IL17RD: variants seen among roughly 807,000 people sequenced by gnomAD.
The protein encoded by IL17RD is interleukin 17 receptor D, also known as interleukin-17 receptor D.
IL17RD carries 52 observed loss-of-function variants against 80.5 expected under a neutral mutation model. The observed-to-expected ratio is 0.65, with a 90% CI of 0.52 to 0.81. The LOEUF (loss-of-function observed/expected upper bound fraction) is 0.81, where lower values mean the gene tolerates loss of function less well. Ranked by LOEUF, IL17RD falls within the 40% of genes least tolerant of loss-of-function variation. The pLI is 0.00. For synonymous variants in IL17RD, 416 were observed against 391.8 expected (o/e 1.06, Z -0.73); for missense variants, 1,024 against 955.1 (o/e 1.07, Z -0.95).
intron 1 of IL17RD, among the ~76,000 whole-genome samples, chr3:57,147,365 A>G (rs1004335778): frequency 3.9e-5 from 6 of 152,242 alleles, no homozygotes; most frequent in Non-Finnish European, 2.9e-5. Context: ...CAAGGTCTCA[A>G]TAAATGGTAG....
At chr3:57,164,988 A>T in intron 1 of IL17RD, 173 bp downstream of exon 1, 2 of 1,330,066 alleles carry the variant, frequency 1.5e-6, no homozygotes, top group Non-Finnish European at 1.9e-6. Flanking sequence ...GCCGGAGGAC[A>T]CGCGTCCGGG....
Position 57,096,461 on chromosome 3 carries a change from C to G in IL17RD, c.2152G>C (p.Gly718Arg), listed in dbSNP as rs759350430. The G allele has an allele frequency of 6.2e-7, 1 of 1,613,940 alleles. No individual in the cohort carries two copies. The highest frequency in any genetic ancestry group is 1.1e-5 in the South Asian group (1 of 91,086). ...CAACCAAGATCTGCTTTGCATGACC[C>G]AGAAGAGAGGAGCTTGGAAGGAAGG... ...PALPSKLLSS[G>R]SCKADLGCRS... Residue 718 changes from glycine (G) to arginine (R), a missense_variant, in exon 13 of 13, where the codon GGG (glycine) becomes CGG (arginine). By Grantham distance (125) the Gly-to-Arg change is moderately radical (BLOSUM62 -2). Coordinates refer to ENST00000296318, the MANE Select transcript of IL17RD (RefSeq NM_017563.5).
intron 11 of IL17RD, among the ~76,000 whole-genome samples, chr3:57,100,204 GTT>G: frequency 6.6e-6 from 1 of 152,224 alleles, no homozygotes; most frequent in South Asian, 2.1e-4. Flanking sequence ...CTAGAGTGTA[GTT>G]ATTTTTCAGC....
chr3:57,112,897 G>T (rs917227777), intron 3 of IL17RD, among the ~76,000 whole-genome samples: 16 of 152,222 alleles, frequency 1.1e-4, no homozygotes, highest in Non-Finnish European at 2.4e-4. Context: ...CTGAGAACCA[G>T]GTTCTGATCA....
intron 1 of IL17RD, 133 bp downstream of exon 1, chr3:57,165,028 G>A (rs1447332589): frequency 1.0e-5 from 14 of 1,351,744 alleles, no homozygotes; most frequent in African/African-American, 1.5e-5. Flanking sequence ...CGCGGGAGGA[G>A]TGAGACCCAG....
At chr3:57,164,797 T>A in intron 1 of IL17RD, 1 of 725,034 alleles carries the variant, frequency 1.4e-6, no homozygotes, top group Non-Finnish European at 1.8e-6. Context: ...GCTCGGGGGA[T>A]CCCAGCCCGG....
At chr3:57,132,847 A>G (rs1707641611) in intron 1 of IL17RD, among the ~76,000 whole-genome samples, 1 of 152,180 alleles carries the variant, frequency 6.6e-6, no homozygotes, top group South Asian at 2.1e-4. Flanking sequence ...GTGGAGGAAA[A>G]TACTCATAGT....
chr3:57,129,099 T>C (rs1261506056), intron 1 of IL17RD, among the ~76,000 whole-genome samples: 1 of 152,170 alleles, frequency 6.6e-6, no homozygotes, highest in Non-Finnish European at 1.5e-5. Flanking sequence ...GTTAGAGAAC[T>C]GGCATCTTTA....
At chr3:57,104,193 CT>C in intron 8 of IL17RD, 148 bp downstream of exon 8, 5 of 593,540 alleles carry the variant, frequency 8.4e-6, no homozygotes, top group Non-Finnish European at 1.5e-5. Context: ...TATATATAAA[CT>C]TTTTTTAAAA....
At chr3:57,112,323 G>C (rs575770510) in intron 3 of IL17RD, among the ~76,000 whole-genome samples, 17 of 152,340 alleles carry the variant, frequency 1.1e-4, no homozygotes, top group African/African-American at 4.1e-4. Context: ...CTTGCCCAGG[G>C]TCACACAGGA....
chr3:57,092,500 A>C lies in IL17RD; in HGVS notation c.*3893T>G, dbSNP rs1201067171. 6.6e-6 allele frequency: 1 copy of C among 152,106 alleles called. No homozygotes were observed. The highest frequency in any genetic ancestry group is 2.4e-5 in the African/African-American group (1 of 41,410). The allele number at this position is 152,106 out of a possible 1,614,324, so 9.4% of individuals were successfully genotyped here. On this transcript the variant is annotated 3_prime_UTR_variant, in exon 13 of 13. Transcript: ENST00000296318. ...GCTACTCAGGAGGCTGAGGCAGGAGAATGGCGTGAACCCGGGAGGTGGAGC... is the reference window on the plus strand; with the variant it reads ...GCTACTCAGGAGGCTGAGGCAGGAGCATGGCGTGAACCCGGGAGGTGGAGC...
At chr3:57,170,287 G>A (rs1448281593), upstream of IL17RD, 1 of 152,254 alleles carries the variant, frequency 6.6e-6, no homozygotes, top group Non-Finnish European at 1.5e-5. Context: ...TTCTTTTCCC[G>A]GAGGAAAAGA....
At chr3:57,148,752 A>G (rs1707989028) in intron 1 of IL17RD, among the ~76,000 whole-genome samples, 1 of 152,204 alleles carries the variant, frequency 6.6e-6, no homozygotes, top group African/African-American at 2.4e-5. Flanking sequence ...TCCTTCCCCA[A>G]AAAGGAATAC....
chr3:57,140,732 G>T (rs1487312215), intron 1 of IL17RD, among the ~76,000 whole-genome samples: 1 of 152,126 alleles, frequency 6.6e-6, no homozygotes, highest in African/African-American at 2.4e-5. Context: ...CTGAGATGAG[G>T]TCTACTCTGG....
chr3:57,134,666 A>G (rs1707683763), intron 1 of IL17RD: 2 of 735,002 alleles, frequency 2.7e-6, no homozygotes, highest in Non-Finnish European at 5.1e-6. Context: ...AAGACCGCCT[A>G]CAGGCCAAGG....
intron 1 of IL17RD, among the ~76,000 whole-genome samples, chr3:57,131,939 AT>A (rs1222959842): frequency 6.6e-6 from 1 of 152,174 alleles, no homozygotes; most frequent in Non-Finnish European, 1.5e-5. Context: ...TAATCCCAGC[AT>A]TTTGGGAGGC....
At chr3:57,169,253 G>A (rs569506850), upstream of IL17RD, 7 of 518,932 alleles carry the variant, frequency 1.3e-5, no homozygotes, top group South Asian at 8.4e-5. Flanking sequence ...AGGATTGCCT[G>A]TAGTCCAGTC....
chr3:57,107,306 G>A (rs1021025609), intron 5 of IL17RD, among the ~76,000 whole-genome samples: 1 of 152,006 alleles, frequency 6.6e-6, no homozygotes, highest in Non-Finnish European at 1.5e-5. Context: ...GTGAACCCCG[G>A]AGGCGGAGCT....
At chr3:57,109,966 C>A (rs763378224) in intron 4 of IL17RD, among the ~76,000 whole-genome samples, 1 of 152,220 alleles carries the variant, frequency 6.6e-6, no homozygotes, top group Non-Finnish European at 1.5e-5. Flanking sequence ...CTTCCAGGAT[C>A]ACTGCTCCAG....
Sources: allele counts gnomAD v4.1 joint callset (sites outside exome capture counted in the v4.1 genomes callset), GRCh38; gene constraint gnomAD v4.1.1; transcripts MANE v1.5; gene names NCBI Gene and HGNC (gene_info 2026-07-23, HGNC 2026-07-21).